Variants in TBC1D1 observed in about 807,000 individuals in gnomAD.
TBC1D1 encodes TBC1 (tre-2/USP6, BUB2, cdc16) domain family, member 1.
TBC1D1 carries 89 observed loss-of-function variants against 125.6 expected under a neutral mutation model. That is an observed-to-expected ratio of 0.71 (90% CI 0.60 to 0.85). The LOEUF is 0.85. Ranked by LOEUF, TBC1D1 falls within the 40% of genes least tolerant of loss-of-function variation. The pLI is 0.00. For synonymous variants in TBC1D1, 565 were observed against 564.1 expected, an observed-to-expected ratio of 1.00 and a Z score of -0.02; for missense variants, 1,377 against 1,469.2, an observed-to-expected ratio of 0.94 and a Z score of 1.03.
intron 12 of TBC1D1, among the ~76,000 whole-genome samples, chr4:38,083,399 A>T (rs34994418): frequency 0.15 from 22,358 of 152,102 alleles, 1,761 homozygotes; most frequent in Middle Eastern, 0.2. Flanking sequence ...TTACCTGCAC[A>T]TCTTGTTTAT....
chr4:38,105,662 C>T (rs915459631), intron 15 of TBC1D1, among the ~76,000 whole-genome samples: 16 of 152,174 alleles, frequency 1.1e-4, no homozygotes, highest in African/African-American at 3.9e-4. Flanking sequence ...CAGTGTTCAG[C>T]TCTCATTTCT....
intron 2 of TBC1D1, chr4:38,006,669 T>C (rs145884055): frequency 0.014 from 3,581 of 254,490 alleles, 78 homozygotes; most frequent in African/African-American, 0.061. Flanking sequence ...TTAGTAGAGA[T>C]GGGGTTTCAC....
At chr4:38,067,303 G>A (rs997026756) in intron 12 of TBC1D1, among the ~76,000 whole-genome samples, 1 of 152,198 alleles carries the variant, frequency 6.6e-6, no homozygotes, top group African/African-American at 2.4e-5. Flanking sequence ...ACAGAAAGTT[G>A]AAGTTATTAT....
chr4:38,077,869 A>G (rs536959409), intron 12 of TBC1D1, among the ~76,000 whole-genome samples: 1 of 152,272 alleles, frequency 6.6e-6, no homozygotes, highest in East Asian at 1.9e-4. Context: ...GGGTTGGTGC[A>G]GTGGAACTGG....
At chr4:37,997,075 A>G (rs888216053) in intron 2 of TBC1D1, among the ~76,000 whole-genome samples, 1 of 152,258 alleles carries the variant, frequency 6.6e-6, no homozygotes, top group Non-Finnish European at 1.5e-5. Context: ...CACATATGTA[A>G]TAATTTGAAT....
At chr4:38,055,843 G>T (rs1181558850) in intron 12 of TBC1D1, among the ~76,000 whole-genome samples, 1 of 152,216 alleles carries the variant, frequency 6.6e-6, no homozygotes, top group Non-Finnish European at 1.5e-5. Context: ...GAGTGGAGCA[G>T]TGGGAACCAG....
At chr4:37,981,631 G>A (rs1410560014) in intron 2 of TBC1D1, among the ~76,000 whole-genome samples, 1 of 152,184 alleles carries the variant, frequency 6.6e-6, no homozygotes, top group Admixed American at 6.5e-5. Flanking sequence ...CAGGAAACAT[G>A]CTCCAGGCAG....
intron 15 of TBC1D1, among the ~76,000 whole-genome samples, chr4:38,103,621 G>A (rs957641170): frequency 3.3e-5 from 5 of 152,114 alleles, no homozygotes; most frequent in African/African-American, 1.2e-4. Flanking sequence ...TTTTATTTTG[G>A]AAACTGGGTG....
chr4:38,028,905 G>A (rs1397462440), intron 7 of TBC1D1, among the ~76,000 whole-genome samples: 1 of 151,942 alleles, frequency 6.6e-6, no homozygotes, highest in Non-Finnish European at 1.5e-5. Flanking sequence ...ATAAATTTAG[G>A]TCATGCTGTC....
At chr4:38,135,756 C>A (rs1402335397) in intron 19 of TBC1D1, among the ~76,000 whole-genome samples, 5 of 152,118 alleles carry the variant, frequency 3.3e-5, no homozygotes, top group Admixed American at 3.3e-4. Context: ...TCTAGTGGCC[C>A]AGCCAGAGCT....
At chr4:38,047,483 T>A (rs1578418048) in intron 10 of TBC1D1, among the ~76,000 whole-genome samples, 1 of 152,178 alleles carries the variant, frequency 6.6e-6, no homozygotes, top group African/African-American at 2.4e-5. Context: ...GGGAACATAG[T>A]GTCGTCCAGC....
chr4:38,020,439 T>C (rs1421863449), intron 4 of TBC1D1, 152 bp from the exon 5 acceptor site: 2 of 547,684 alleles, frequency 3.7e-6, no homozygotes, highest in South Asian at 1.9e-5. Flanking sequence ...GATTGTGCCA[T>C]TGTACTCCAG....
intron 6 of TBC1D1, among the ~76,000 whole-genome samples, chr4:38,024,402 C>A (rs1744666000): frequency 6.6e-6 from 1 of 152,140 alleles, no homozygotes; most frequent in Non-Finnish European, 1.5e-5. Flanking sequence ...TCCAGAGCTC[C>A]CCTTGATAAA....
chr4:38,079,873 A>G (rs187371121), intron 12 of TBC1D1, among the ~76,000 whole-genome samples: 32 of 152,382 alleles, frequency 2.1e-4, no homozygotes, highest in African/African-American at 7.5e-4. Flanking sequence ...CATAACGTGA[A>G]ATATCCAATT....
intron 18 of TBC1D1, among the ~76,000 whole-genome samples, chr4:38,130,701 G>A (rs1175983559): frequency 6.6e-6 from 1 of 152,216 alleles, no homozygotes; most frequent in Admixed American, 6.5e-5. Flanking sequence ...GGGGAGGTGG[G>A]CACTGCACTT....
chr4:38,090,265 T>A, intron 13 of TBC1D1, 148 bp downstream of exon 15: 1 of 727,056 alleles, frequency 1.4e-6, no homozygotes, highest in Non-Finnish European at 2.2e-6. Flanking sequence ...TTTTTCAGAG[T>A]AATATTAACA....
intron 15 of TBC1D1, among the ~76,000 whole-genome samples, 189 bp downstream of exon 17, chr4:38,103,346 A>G (rs1487635914): frequency 6.6e-6 from 1 of 152,126 alleles, no homozygotes; most frequent in Non-Finnish European, 1.5e-5. Flanking sequence ...AAATCTCTGT[A>G]TTTTCACTGG....
chr4:38,067,127 G>A (rs1014329191), intron 12 of TBC1D1, among the ~76,000 whole-genome samples: 1 of 151,674 alleles, frequency 6.6e-6, no homozygotes, highest in Non-Finnish European at 1.5e-5. Context: ...TGCCCGCCTC[G>A]GCCTCCCAAA....
At chr4:38,098,104 C>T (rs956487935) in intron 14 of TBC1D1, among the ~76,000 whole-genome samples, 1 of 152,234 alleles carries the variant, frequency 6.6e-6, no homozygotes, top group African/African-American at 2.4e-5. Context: ...TTCAGTGTGA[C>T]TTTAGCAGGT....
Sources: gnomAD v4.1 joint callset for allele counts (sites outside exome capture counted in the v4.1 genomes callset) on GRCh38, gnomAD v4.1.1 for gene constraint, MANE v1.5 for transcripts, NCBI Gene and HGNC (gene_info 2026-07-23, HGNC 2026-07-21) for gene names.